Variants in AIRE observed in about 807,000 individuals in gnomAD.
AIRE encodes the protein autoimmune polyendocrinopathy candidiasis ectodermal dystrophy protein.
In AIRE, 52 loss-of-function variants were observed where a neutral mutation model predicts 62.1. That is an observed-to-expected ratio of 0.84 (90% confidence interval 0.67 to 1.06). AIRE has a LOEUF of 1.06. Ranked by LOEUF, AIRE falls within the 50% of genes least tolerant of loss-of-function variation. AIRE has a pLI of 0.00. For synonymous variants in AIRE, 342 were observed against 321.6 expected (o/e 1.06, Z -0.68); for missense variants, 774 against 755.8 (o/e 1.02, Z -0.28).
intron 13 of AIRE, among the ~76,000 whole-genome samples, chr21:44,296,777 G>C (rs550743042): frequency 2.7e-5 from 4 of 150,744 alleles, no homozygotes; most frequent in Admixed American, 1.3e-4. Flanking sequence ...GCAGAGGCTC[G>C]AGCACCAGGC....
rs748444068 is a variant in AIRE at position 44,293,816 on chromosome 21, G to C, written c.1306G>C (p.Val436Leu). The change falls in exon 11 of 14, where the codon GTG (valine) becomes CTG (leucine). Residue 436 changes from valine (V) to leucine (L), a missense_variant. Physicochemically the swap from Val to Leu is conservative, Grantham distance 32. Transcript: ENST00000291582. ...CCTGGCTCCTGGTGCGCGTTGCGGG[G>C]TGTGCGGAGATGGTACGGACGTGCT... ...QNLAPGARCG[V>L]CGDGTDVLRC... 3.8e-6 allele frequency: 6 copies of C among 1,596,676 alleles called. No individual in the cohort carries two copies. The African/African-American group carries it at 4.0e-5, about 11-fold the overall frequency.
rs532902179 is a variant in AIRE, at chr21:44,285,876, G to A, written c.-131G>A. 2.2e-4 allele frequency: 202 copies of A among 927,562 alleles called. 1 individual carries two copies. In the African/African-American group the frequency reaches 3.3e-3, roughly 15 times the overall value. 57.5% of individuals were successfully genotyped at this position (927,562 alleles called of 1,614,324 possible). On this transcript the variant is annotated 5_prime_UTR_variant, in exon 1 of 14. Coordinates refer to ENST00000291582, the MANE Select transcript of AIRE (RefSeq NM_000383.4). ...CAGCGGCGCGCGTGGCTCGCAGACC[G>A]GGGAGACGGGCGGGCGCACAGCCGG...
intron 7 of AIRE, chr21:44,290,554 A>T: frequency 9.0e-6 from 7 of 777,822 alleles, no homozygotes; most frequent in Non-Finnish European, 1.1e-5. Context: ...CCTGCCCTGC[A>T]GGAGCACCCG....
Position 44,293,697 on chromosome 21 carries a change from T to C in AIRE, c.1279-92T>C, listed in dbSNP as rs575918732. ...CCTAGACCCGCCGTCCAGCCCTGGG[T>C]GGTCCCAGGGGAGAGCGCACAGGGC... On this transcript the variant is annotated intron_variant, in intron 10 of 13. Coordinates refer to ENST00000291582, the MANE Select transcript of AIRE (RefSeq NM_000383.4). 201 of 1,565,690 alleles carry C rather than the reference T, an allele frequency of 1.3e-4. No individual in the cohort carries two copies. The African/African-American group carries it at 2.0e-3, about 16-fold the overall frequency.
At position 44,287,438 on chromosome 21, in the gene AIRE, T is replaced by C. The variant is rs1225116835; in HGVS notation, c.464-79T>C. 9.7e-7 allele frequency: 1 copy of C among 1,032,324 alleles called. No individual in the cohort carries two copies. Among genetic ancestry groups the C allele is most frequent in the Non-Finnish European group, 1.5e-6 (1 of 678,462 alleles). The allele number at this position is 1,032,324 out of a possible 1,614,324, so 63.9% of individuals were successfully genotyped here. A position where few individuals can be genotyped will look rare whatever the true frequency, so the allele number is the denominator to read the frequency against. On this transcript the variant is annotated intron_variant, in intron 3 of 13. Transcript: ENST00000291582. The surrounding 1 kb of genome is among the most constrained non-coding windows in gnomAD (Gnocchi z 4.3). ...GCACTGGACCGCCCCCTCCACGCCC[T>C]CCCACCGCGGGCCCCTGCCCACCGG... is the stretch of plus-strand genomic sequence containing the variant.
Position 44,293,811 on chromosome 21 carries a change from G to T in AIRE, c.1301G>T (p.Cys434Phe). 6.3e-7 allele frequency: 1 copy of T among 1,596,668 alleles called. No individual in the cohort carries two copies. Among genetic ancestry groups the T allele is most frequent in the Non-Finnish European group, 8.5e-7 (1 of 1,179,540 alleles). The change falls in exon 11 of 14, where the codon TGC becomes TTC. Residue 434 changes from cysteine (C) to phenylalanine (F), a missense_variant. Physicochemically the swap from Cys to Phe is radical, Grantham distance 205 (BLOSUM62 -2). Around this residue, in one of 3 missense-constraint regions of AIRE, gnomAD observed 354 missense variants for 296.1 expected, o/e 1.20. Transcript: ENST00000291582. Reference protein sequence around the residue: ...GQQNLAPGARCGVCGDGTDVL... With the variant: ...GQQNLAPGARFGVCGDGTDVL... ...CAGAACCTGGCTCCTGGTGCGCGTT[G>T]CGGGGTGTGCGGAGATGGTACGGAC...
chr21:44,286,940 C>A lies in AIRE; in HGVS notation c.308-38C>A. On this transcript the variant is annotated intron_variant, in intron 2 of 13. Coordinates refer to ENST00000291582, the MANE Select transcript of AIRE (RefSeq NM_000383.4). The surrounding 1 kb of genome is among the most constrained non-coding windows in gnomAD (Gnocchi z 6.0). ...GGCCCACCCTACCCCTGGAGAAAACCCTGAGGTTGGGACCCTGCTCCTGCC... is the reference window on the plus strand; with the variant it reads ...GGCCCACCCTACCCCTGGAGAAAACACTGAGGTTGGGACCCTGCTCCTGCC... The A allele has an allele frequency of 6.2e-7, 1 of 1,612,590 alleles. No homozygotes were observed.
intron 8 of AIRE, 148 bp downstream of exon 8, chr21:44,291,358 C>T: frequency 7.4e-7 from 1 of 1,357,364 alleles, no homozygotes; most frequent in Non-Finnish European, 1.0e-6. Flanking sequence ...GGGGCCGGGG[C>T]CTGGGGTTTT....
At chr21:44,289,389 A>G in intron 5 of AIRE, 1 of 525,808 alleles carries the variant, frequency 1.9e-6, no homozygotes, top group South Asian at 2.3e-5. Flanking sequence ...ATCTTAACTA[A>G]TCACATCTAC....
At chr21:44,288,560 G>C in intron 5 of AIRE, 102 bp downstream of exon 5, 1 of 839,568 alleles carries the variant, frequency 1.2e-6, no homozygotes, top group Non-Finnish European at 1.9e-6. Context: ...ACAGCAGACC[G>C]GACTGTTGCT....
rs538802193 is a variant in AIRE, at chr21:44,287,999, G to T, written c.539-346G>T. Among the ~76,000 whole-genome samples, 44 of 152,196 alleles carry T rather than the reference G, an allele frequency of 2.9e-4. No individual in the cohort carries two copies. Among genetic ancestry groups the T allele is most frequent in the African/African-American group, 1.0e-3 (43 of 41,506 alleles). ...TCCAGAGACCCCCTATCTCCCTGAG[G>T]GCAGAGCCTAGGAACTCTGTGTCCC... On this transcript the variant is annotated intron_variant, in intron 4 of 13. Transcript: ENST00000291582. This position sits in a 1 kb window ranked among gnomAD's most constrained non-coding sequence, Gnocchi z 4.3.
At chr21:44,289,940 C>A (rs376703686) in intron 6 of AIRE, 48 bp from the exon 7 acceptor site, 29 of 1,601,082 alleles carry the variant, frequency 1.8e-5, no homozygotes, top group African/African-American at 4.0e-5. Context: ...CCATGTGCAC[C>A]CTCGCTGCTG....
chr21:44,293,253 G>A, intron 10 of AIRE, 78 bp downstream of exon 10: 23 of 1,402,670 alleles, frequency 1.6e-5, no homozygotes, highest in Non-Finnish European at 2.0e-5. Flanking sequence ...ACCTGAAACA[G>A]GAGGAGAGGG....
In AIRE at chr21:44,287,203, C is replaced by A; in HGVS notation, c.463+70C>A. The A allele has an allele frequency of 6.3e-7, 1 of 1,580,684 alleles. No individual in the cohort carries two copies. The highest frequency in any genetic ancestry group is 8.6e-7 in the Non-Finnish European group (1 of 1,162,746). On this transcript the variant is annotated intron_variant, in intron 3 of 13. Coordinates refer to ENST00000291582, the MANE Select transcript of AIRE (RefSeq NM_000383.4). The surrounding 1 kb of genome is among the most constrained non-coding windows in gnomAD (Gnocchi z 4.3). ...CGGGCTTCCCCGGGAGCCCACGCCC[C>A]CTCCCCACCCGGGCTCCCACCCACT...
chr21:44,285,900 G>A lies in AIRE; in HGVS notation c.-107G>A. ...CGGGGAGACGGGCGGGCGCACAGCC[G>A]GCGCGGAGGCCCCACAGCCCCGCCG... On this transcript the variant is annotated 5_prime_UTR_variant, in exon 1 of 14. Transcript: ENST00000291582. The A allele has an allele frequency of 3.5e-6, 4 of 1,140,612 alleles. No homozygotes were observed. The highest frequency in any genetic ancestry group is 3.5e-6 in the Non-Finnish European group (3 of 859,344). 70.7% of individuals were successfully genotyped at this position (1,140,612 alleles called of 1,614,324 possible).
rs556758490 is a variant in AIRE, at chr21:44,288,484, G to T, written c.652+26G>T. The T allele has an allele frequency of 3.3e-6, 5 of 1,504,454 alleles. No homozygotes were observed. In the African/African-American group the frequency reaches 4.1e-5, roughly 12 times the overall value. The allele number at this position is 1,504,454 out of a possible 1,614,324, so 93.2% of individuals were successfully genotyped here. A position where few individuals can be genotyped will look rare whatever the true frequency, so the allele number is the denominator to read the frequency against. On this transcript the variant is annotated intron_variant, in intron 5 of 13. Coordinates refer to ENST00000291582, the MANE Select transcript of AIRE (RefSeq NM_000383.4). ...GTAGACGCTGTGGCGGGGAGATGGG[G>T]CTGATGGGGAGACCCAGGCTCCAAG...
At position 44,293,050 on chromosome 21, in the gene AIRE, CT is replaced by C; in HGVS notation, c.1154del (p.Leu385GlnfsTer95). ...GGTAAGAGGTCCACCTGGGGAACCC[CT>C]AGCCGGCATGGACACGACTCTTGTC... ...EEVRGPPGEP[L>X]AGMDTTLVYK... On this transcript the variant is annotated frameshift_variant, in exon 10 of 14. Coordinates refer to ENST00000291582, the MANE Select transcript of AIRE (RefSeq NM_000383.4). LOFTEE classifies it high-confidence loss of function. 1 of 1,612,518 alleles carries C rather than the reference CT, an allele frequency of 6.2e-7. No individual in the cohort carries two copies. The highest frequency in any genetic ancestry group is 8.5e-7 in the Non-Finnish European group (1 of 1,179,848).
Position 44,287,457 on chromosome 21 carries a change from C to G in AIRE, c.464-60C>G. 7.8e-7 allele frequency: 1 copy of G among 1,276,494 alleles called. No homozygotes were observed. Among genetic ancestry groups the G allele is most frequent in the South Asian group, 1.3e-5 (1 of 78,238 alleles). The allele number at this position is 1,276,494 out of a possible 1,614,324, so 79.1% of individuals were successfully genotyped here. On this transcript the variant is annotated intron_variant, in intron 3 of 13. Transcript: ENST00000291582. The surrounding 1 kb of genome is among the most constrained non-coding windows in gnomAD (Gnocchi z 4.3). ...ACGCCCTCCCACCGCGGGCCCCTGC[C>G]CACCGGCACTCACCCCCACTGAGAG...
At position 44,286,815 on chromosome 21, in the gene AIRE, G is replaced by A. The variant is rs1042466055; in HGVS notation, c.307+84G>A. 6.3e-7 allele frequency: 1 copy of A among 1,574,932 alleles called. No homozygotes were observed. ...AGCCCAGCTGGACTGGAACCGGAGT[G>A]GTGTTTGAGGAGCCCGTGGGTGATG... On this transcript the variant is annotated intron_variant, in intron 2 of 13. Coordinates refer to ENST00000291582, the MANE Select transcript of AIRE (RefSeq NM_000383.4). The surrounding 1 kb of genome is among the most constrained non-coding windows in gnomAD (Gnocchi z 6.0).
Sources: allele counts gnomAD v4.1 joint callset (sites outside exome capture counted in the v4.1 genomes callset), GRCh38; gene constraint gnomAD v4.1.1; regional missense constraint gnomAD v4.1.1; non-coding constraint Gnocchi (gnomAD v3.1); transcripts MANE v1.5; gene names NCBI Gene and HGNC (gene_info 2026-07-23, HGNC 2026-07-21).